GGT1: variants seen among roughly 807,000 people sequenced by gnomAD.
GGT1 encodes glutathione hydrolase 1 proenzyme.
Under a neutral mutation model 56.0 loss-of-function variants are expected in GGT1, and 21 were observed. The ratio of observed to expected loss-of-function variants is 0.38; its 90% CI spans 0.27 to 0.54. GGT1 has a LOEUF of 0.54. Ranked by LOEUF, GGT1 falls within the 20% of genes least tolerant of loss-of-function variation. The probability of loss-of-function intolerance (pLI) is 0.82; values close to 1 mark genes in which losing one functional copy is unlikely to be tolerated. For synonymous variants in GGT1, 238 were observed against 342.6 expected, an observed-to-expected ratio of 0.69 and a Z score of 3.37; for missense variants, 466 against 787.0, an observed-to-expected ratio of 0.59 and a Z score of 4.88.
At chr22:24,593,970 C>T (rs1211900178), upstream of GGT1, among the ~76,000 whole-genome samples, 1 of 152,174 alleles carries the variant, frequency 6.6e-6, no homozygotes, top group Non-Finnish European at 1.5e-5. Flanking sequence ...TCAGGTTAAC[C>T]GTTAAGCCCA....
chr22:24,616,716 T>G (rs1158185093), intron 7 of GGT1, among the ~76,000 whole-genome samples: 3 of 151,818 alleles, frequency 2.0e-5, no homozygotes, highest in African/African-American at 7.3e-5. Flanking sequence ...AGCTAATTTT[T>G]TGTATTTTTT....
chr22:24,607,690 C>T (rs61541228), intron 1 of GGT1: 4,962 of 251,096 alleles, frequency 0.02, 238 homozygotes, highest in African/African-American at 0.1. Context: ...TCCCACTGTC[C>T]GCCGGGGCTG....
intron 7 of GGT1, chr22:24,615,945 A>AC (rs2047028745): frequency 8.4e-6 from 1 of 119,458 alleles, no homozygotes; most frequent in Admixed American, 8.2e-5. Context: ...CTCCATCTCT[A>AC]CAAAAAACGG....
upstream of GGT1, among the ~76,000 whole-genome samples, chr22:24,593,506 G>C (rs944742620): frequency 6.6e-6 from 1 of 152,120 alleles, no homozygotes; most frequent in African/African-American, 2.4e-5. Flanking sequence ...ACAAAAATTA[G>C]GCCGGGCATG....
upstream of GGT1, chr22:24,599,064 C>T (rs2045740894): frequency 6.6e-6 from 1 of 152,226 alleles, no homozygotes; most frequent in African/African-American, 2.4e-5. Flanking sequence ...TGCCAGCTGT[C>T]AGGTGGCTAG....
chr22:24,622,957 A>T (rs1048329517), intron 9 of GGT1, 150 bp from the exon 10 acceptor site: 3 of 765,586 alleles, frequency 3.9e-6, no homozygotes, highest in South Asian at 3.4e-5. Context: ...CCCCTCCAGT[A>T]GTGCACTCTG....
chr22:24,602,450 G>T (rs1333490242), upstream of GGT1, among the ~76,000 whole-genome samples: 1 of 152,236 alleles, frequency 6.6e-6, no homozygotes, highest in Non-Finnish European at 1.5e-5. Flanking sequence ...GACAATACTG[G>T]CAGGCTGCAG....
upstream of GGT1, among the ~76,000 whole-genome samples, chr22:24,593,891 C>G (rs940890398): frequency 1.3e-5 from 2 of 152,244 alleles, no homozygotes. Context: ...TATTTACTGC[C>G]TCCTGCTTCT....
rs1042062 is a variant in GGT1, at chr22:24,628,830, C to T, written c.1701C>T (p.Ala567=). The change falls in exon 16 of 16, where the codon GCC becomes GCT. Residue 567 remains alanine, a synonymous_variant. Transcript: ENST00000400382. This position sits in a 1 kb window ranked among gnomAD's most constrained non-coding sequence, Gnocchi z 5.7. ...ACTCCAGGAAAGGCGGGGAGCCTGC[C>T]GGCTACTGAGTGCTCCAGGAGGACA... The part of the protein sequence containing the change: ...ASDSRKGGEP[A]GY The T allele has an allele frequency of 1.2e-4, 188 of 1,597,724 alleles. 1 individual carries two copies. The highest frequency in any genetic ancestry group is 6.3e-4 in the South Asian group (57 of 89,840).
intron 5 of GGT1, among the ~76,000 whole-genome samples, chr22:24,612,078 T>A (rs1471460305): frequency 1.3e-5 from 2 of 152,040 alleles, no homozygotes. Context: ...GTGCTGGGAT[T>A]AAGGTGTGAG....
At chr22:24,589,758 G>C in the GGT1 span, 3 of 1,503,180 alleles carry the variant, frequency 2.0e-6, no homozygotes, top group East Asian at 2.4e-5. Flanking sequence ...CCCAGCCCTG[G>C]GCTCTGTTGG....
rs1205285633 is a variant in GGT1 at position 24,614,347 on chromosome 22, T to C, written c.165-429T>C. ...CTGAGCAACAAAGAGAGACTTTGTC[T>C]CAAAAAAAAAAAAAAAAAAAAAAAA... On this transcript the variant is annotated intron_variant, in intron 5 of 15. Coordinates refer to ENST00000400382, the MANE Select transcript of GGT1 (RefSeq NM_001288833.2). Among the ~76,000 whole-genome samples the C allele has an allele frequency of 2.7e-4, 6 of 22,106 alleles. No homozygotes were observed. In the Admixed American group the frequency reaches 3.5e-3, roughly 13 times the overall value. The allele number at this position is 22,106 out of a possible 152,430, so 14.5% of individuals were successfully genotyped here.
the GGT1 span, chr22:24,589,665 G>A: frequency 1.2e-6 from 1 of 854,262 alleles, no homozygotes; most frequent in Non-Finnish European, 1.7e-6. Flanking sequence ...CTAATATACT[G>A]ATGCTGGCAG....
At chr22:24,599,246 G>A (rs2045743956), upstream of GGT1, 1 of 152,214 alleles carries the variant, frequency 6.6e-6, no homozygotes, top group Non-Finnish European at 1.5e-5. Flanking sequence ...GCTTCAGGAG[G>A]AGGTGGCATT....
rs1412106926 is a variant in GGT1 at position 24,603,205 on chromosome 22, TGCTGGATGACCAGACCGGGCGTCGG to T, written c.-749_-725del. On this transcript the variant is annotated 5_prime_UTR_variant, in exon 1 of 16. The change abolishes an upstream ATG in the 5' untranslated region. Coordinates refer to ENST00000400382, the MANE Select transcript of GGT1 (RefSeq NM_001288833.2). ...GAATCTTAGCTTGGTTTTGGTGTGC[TGCTGGATGACCAGACCGGGCGTCGG>T]GTGAGCCCAGAAGTGAGAGCAGTTG... 1 of 150,412 alleles carries T rather than the reference TGCTGGATGACCAGACCGGGCGTCGG, an allele frequency of 6.6e-6. No individual in the cohort carries two copies. Among genetic ancestry groups the T allele is most frequent in the Non-Finnish European group, 1.5e-5 (1 of 67,744 alleles). 9.3% of individuals were successfully genotyped at this position (150,412 alleles called of 1,614,324 possible). A position where few individuals can be genotyped will look rare whatever the true frequency, so the allele number is the denominator to read the frequency against.
Position 24,628,508 on chromosome 22 carries a change from T to C in GGT1, c.1563+120T>C. On this transcript the variant is annotated intron_variant, in intron 15 of 15. Transcript: ENST00000400382. The surrounding 1 kb of genome is among the most constrained non-coding windows in gnomAD (Gnocchi z 5.7). ...TGTCCTCTCTCTAGTGCCTGGGCCA[T>C]CTGGAGCCCCTGTGCCATGAGGGCC... is the stretch of plus-strand genomic sequence containing the variant. 5.2e-6 allele frequency: 7 copies of C among 1,351,584 alleles called. No individual in the cohort carries two copies. The highest frequency in any genetic ancestry group is 7.2e-6 in the Non-Finnish European group (7 of 972,378). The allele number at this position is 1,351,584 out of a possible 1,614,324, so 83.7% of individuals were successfully genotyped here.
chr22:24,627,290 G>A (rs571563781), intron 11 of GGT1, 142 bp from the exon 12 acceptor site: 7 of 1,320,560 alleles, frequency 5.3e-6, no homozygotes, highest in African/African-American at 1.5e-5. Flanking sequence ...TCCTGGGCCT[G>A]CCCTTGGGTC....
upstream of GGT1, among the ~76,000 whole-genome samples, chr22:24,590,294 A>AT (rs1007142673): frequency 2.0e-5 from 3 of 151,258 alleles, no homozygotes; most frequent in African/African-American, 7.4e-5. Flanking sequence ...TGCTCAGCTA[A>AT]TTAAAAAAAA....
At chr22:24,625,772 G>A (rs375844632) in intron 11 of GGT1, among the ~76,000 whole-genome samples, 2 of 150,876 alleles carry the variant, frequency 1.3e-5, no homozygotes, top group East Asian at 2.0e-4. Flanking sequence ...CTCGTGATCC[G>A]CCTGCCTCGG....
Sources: gnomAD v4.1 joint callset for allele counts (sites outside exome capture counted in the v4.1 genomes callset) on GRCh38, gnomAD v4.1.1 for gene constraint, Gnocchi (gnomAD v3.1) non-coding constraint, MANE v1.5 for transcripts, NCBI Gene and HGNC (gene_info 2026-07-23, HGNC 2026-07-21) for gene names.